Variants in AP2A1 observed in about 807,000 individuals in gnomAD.
AP2A1 encodes the protein adaptor related protein complex 2 subunit alpha 1, also known as AP-2 complex subunit alpha-1.
In AP2A1, 21 loss-of-function variants were observed where a neutral mutation model predicts 107.3. That is an observed-to-expected ratio of 0.20 (90% CI 0.14 to 0.28). The LOEUF (loss-of-function observed/expected upper bound fraction) is 0.28. AP2A1 is among the 10% of genes least tolerant of loss of function. AP2A1 has a pLI of 1.00. For missense variants in AP2A1, 873 were observed against 1,307.7 expected, an observed-to-expected ratio of 0.67 and a Z score of 5.13; for synonymous variants, 602 against 564.8, an observed-to-expected ratio of 1.07 and a Z score of -0.93.
In AP2A1 at chr19:49,805,471, A is replaced by G. The variant is rs781669506; in HGVS notation, c.2363A>G (p.Lys788Arg). The G allele has an allele frequency of 1.3e-6, 2 of 1,549,664 alleles. No homozygotes were observed. Among genetic ancestry groups the G allele is most frequent in the South Asian group, 2.4e-5 (2 of 84,102 alleles). ...CGGGCACAGCTGGCTGTGCAGACCA[A>G]GCGCGTGGCGGCGCAGGTGGACGGC... The part of the protein sequence containing the change: ...DLQTQLAVQT[K>R]RVAAQVDGGA... Residue 788 changes from lysine to arginine, a missense_variant, in exon 19 of 23, where the codon AAG becomes AGG. Lys to Arg is a conservative substitution (Grantham distance 26, BLOSUM62 2). This residue lies in a region of AP2A1 where 416 missense variants were observed against 473.4 expected (regional missense o/e 0.88). Transcript: ENST00000354293.
chr19:49,800,097 A>T lies in AP2A1; in HGVS notation c.1402A>T (p.Ile468Phe), dbSNP rs1568586413. 6.2e-7 allele frequency: 1 copy of T among 1,613,918 alleles called. No individual in the cohort carries two copies. Among genetic ancestry groups the T allele is most frequent in the Non-Finnish European group, 8.5e-7 (1 of 1,179,810 alleles). Residue 468 changes from isoleucine (I) to phenylalanine (F), a missense_variant, in exon 11 of 23, where the codon ATC (isoleucine) becomes TTC (phenylalanine). By Grantham distance (21) the Ile-to-Phe change is conservative. Transcript: ENST00000354293. ...SEEVWYRVLQ[I>F]VTNRDDVQGY... ...GGAGGTGTGGTACCGTGTGCTACAG[A>T]TCGTCACCAACCGTGATGACGTCCA...
Position 49,788,203 on chromosome 19 carries a change from C to T in AP2A1, c.474-3732C>T, listed in dbSNP as rs972296470. Reference sequence around the variant, plus strand: ...CTCAAGTGATCCTCCGTGGCCTCAGCTTCCCAAAGTGCTGAGATTACAGGC... The same window carrying T: ...CTCAAGTGATCCTCCGTGGCCTCAGTTTCCCAAAGTGCTGAGATTACAGGC... On this transcript the variant is annotated intron_variant, in intron 4 of 22. Transcript: ENST00000354293. This position sits in a 1 kb window ranked among gnomAD's most constrained non-coding sequence, Gnocchi z 4.5. Among the ~76,000 whole-genome samples, 5 of 152,230 alleles carry T rather than the reference C, an allele frequency of 3.3e-5. No homozygotes were observed. Among genetic ancestry groups the T allele is most frequent in the Non-Finnish European group, 7.3e-5 (5 of 68,034 alleles).
At chr19:49,776,019 GACTCTGCCTT>G (rs1259512829) in intron 1 of AP2A1, among the ~76,000 whole-genome samples, 2 of 152,080 alleles carry the variant, frequency 1.3e-5, no homozygotes, top group African/African-American at 4.8e-5. Flanking sequence ...CACTTCCCTT[GACTCTGCCTT>G]ACTCTGCCTG....
intron 8 of AP2A1, 73 bp downstream of exon 8, chr19:49,799,025 G>A: frequency 6.6e-7 from 1 of 1,524,386 alleles, no homozygotes; most frequent in Non-Finnish European, 8.9e-7. Flanking sequence ...GGACTCCTGA[G>A]TCCTAGGCAG....
At chr19:49,795,585 C>A (rs750391170) in intron 6 of AP2A1, 45 bp from the exon 7 acceptor site, 3 of 699,210 alleles carry the variant, frequency 4.3e-6, no homozygotes, top group South Asian at 1.5e-5. Flanking sequence ...CCCACGTGCC[C>A]CTCCCACCCC....
chr19:49,800,887 A>G, intron 11 of AP2A1, 74 bp from the exon 12 acceptor site: 1 of 1,201,008 alleles, frequency 8.3e-7, no homozygotes, highest in East Asian at 2.6e-5. Context: ...ACCAGTCAGT[A>G]GGTGGCTGCA....
intron 1 of AP2A1, among the ~76,000 whole-genome samples, chr19:49,779,487 C>CAA (rs370114853): frequency 0.39 from 32,345 of 83,936 alleles, 6,920 homozygotes; most frequent in East Asian, 0.47. Context: ...GCCTGGGCTA[C>CAA]AAAAAAAAAA....
chr19:49,767,150 A>G lies in AP2A1; in HGVS notation c.17A>G (p.Lys6Arg). The G allele has an allele frequency of 6.2e-7, 1 of 1,611,802 alleles. No individual in the cohort carries two copies. Among genetic ancestry groups the G allele is most frequent in the Non-Finnish European group, 8.5e-7 (1 of 1,179,704 alleles). Residue 6 changes from lysine to arginine, a missense_variant, in exon 1 of 23, where the codon AAG becomes AGG. Physicochemically the swap from Lys to Arg is conservative, Grantham distance 26. This residue lies in a region of AP2A1 where 87 missense variants were observed against 178.2 expected (regional missense o/e 0.49). Coordinates refer to ENST00000354293, the MANE Select transcript of AP2A1 (RefSeq NM_130787.3). MPAVS[K>R]GDGMRGLAVF... Reference sequence around the variant, plus strand: ...ACCGCCATCATGCCGGCCGTGTCCAAGGGCGATGGGATGCGGGGGCTCGCG... The same window carrying G: ...ACCGCCATCATGCCGGCCGTGTCCAGGGGCGATGGGATGCGGGGGCTCGCG...
intron 1 of AP2A1, among the ~76,000 whole-genome samples, chr19:49,771,521 G>T (rs1227379215): frequency 2.0e-5 from 3 of 151,672 alleles, no homozygotes; most frequent in East Asian, 1.9e-4. Flanking sequence ...CGATTCTCCT[G>T]CCTCAGCCTC....
intron 18 of AP2A1, 90 bp downstream of exon 18, chr19:49,803,466 C>T (rs1056272532): frequency 1.1e-5 from 11 of 1,037,830 alleles, no homozygotes; most frequent in African/African-American, 4.7e-5. Flanking sequence ...CCACACTTCT[C>T]TTCAGCCTCT....
At chr19:49,799,852 G>A (rs2073255596) in intron 10 of AP2A1, 86 bp downstream of exon 10, 1 of 1,560,928 alleles carries the variant, frequency 6.4e-7, no homozygotes, top group Non-Finnish European at 8.7e-7. Context: ...AAGGGAGGAG[G>A]GGCTGGGGCC....
chr19:49,772,238 T>C (rs2084566644), intron 1 of AP2A1, among the ~76,000 whole-genome samples: 1 of 149,268 alleles, frequency 6.7e-6, no homozygotes, highest in Non-Finnish European at 1.5e-5. Context: ...TTTTGTATTT[T>C]TCATAGAGTT....
Position 49,800,973 on chromosome 19 carries a change from C to T in AP2A1, c.1468C>T (p.Pro490Ser). 1.2e-6 allele frequency: 2 copies of T among 1,601,470 alleles called. No individual in the cohort carries two copies. Among genetic ancestry groups the T allele is most frequent in the South Asian group, 1.1e-5 (1 of 88,636 alleles). The change falls in exon 12 of 23, where the codon CCT becomes TCT. Residue 490 changes from proline (P) to serine (S), a missense_variant. Coordinates refer to ENST00000354293, the MANE Select transcript of AP2A1 (RefSeq NM_130787.3). ...AKTVFEALQA[P>S]ACHENMVKVG... ...CCACCCCACTCAGGCGCTCCAGGCC[C>T]CTGCCTGTCACGAGAACATGGTGAA... is the stretch of plus-strand genomic sequence containing the variant.
At chr19:49,804,780 C>T (rs1455857320) in intron 18 of AP2A1, 1 of 152,240 alleles carries the variant, frequency 6.6e-6, no homozygotes, top group African/African-American at 2.4e-5. Flanking sequence ...TGAGGCCTCG[C>T]TATGTTGCCC....
chr19:49,801,034 T>G lies in AP2A1; in HGVS notation c.1529T>G (p.Leu510Arg). The G allele has an allele frequency of 6.2e-7, 1 of 1,607,258 alleles. No individual in the cohort carries two copies. The highest frequency in any genetic ancestry group is 8.5e-7 in the Non-Finnish European group (1 of 1,177,134). ...TACATCCTTGGGGAGTTTGGGAACC[T>G]GATTGCTGGGGACCCCCGCTCCAGG... ...GGYILGEFGN[L>R]IAGDPRSSPP... Residue 510 changes from leucine (L) to arginine (R), a missense_variant, in exon 12 of 23, where the codon CTG (leucine) becomes CGG (arginine). Around this residue, in one of 4 missense-constraint regions of AP2A1, gnomAD observed 213 missense variants for 443.5 expected, o/e 0.48. Coordinates refer to ENST00000354293, the MANE Select transcript of AP2A1 (RefSeq NM_130787.3).
chr19:49,784,626 C>T (rs1446305477), intron 4 of AP2A1, among the ~76,000 whole-genome samples: 1 of 152,012 alleles, frequency 6.6e-6, no homozygotes, highest in African/African-American at 2.4e-5. Context: ...ACCTATAATC[C>T]AGGCACTTTG....
chr19:49,796,000 G>A, intron 7 of AP2A1: 1 of 482,258 alleles, frequency 2.1e-6, no homozygotes, highest in Non-Finnish European at 3.8e-6. Context: ...CAGCCCTGTT[G>A]CGAGGGACTG....
At chr19:49,791,507 G>A (rs575279065) in intron 4 of AP2A1, among the ~76,000 whole-genome samples, 1 of 152,108 alleles carries the variant, frequency 6.6e-6, no homozygotes, top group Non-Finnish European at 1.5e-5. Context: ...GATTATAGGC[G>A]TGAGCCACCA....
rs1203721178 is a variant in AP2A1, at chr19:49,806,250, C to G, written c.2787C>G (p.Ala929=). 3.7e-6 allele frequency: 6 copies of G among 1,604,930 alleles called. No homozygotes were observed. The highest frequency in any genetic ancestry group is 1.3e-5 in the African/African-American group (1 of 74,892). Residue 929 remains alanine (A), a synonymous_variant, in exon 22 of 23, where the codon GCC becomes GCG. Transcript: ENST00000354293. Reference sequence around the variant, plus strand: ...TTCGGCTGGAGCCCAATGCCCAGGCCCAGGTGAGTGCTGCTGTGGGAGGCC... The same window carrying G: ...TTCGGCTGGAGCCCAATGCCCAGGCGCAGGTGAGTGCTGCTGTGGGAGGCC... ...CLLRLEPNAQ[A]QMYRLTLRTS...
Sources: allele counts gnomAD v4.1 joint callset (sites outside exome capture counted in the v4.1 genomes callset), GRCh38; gene constraint gnomAD v4.1.1; regional missense constraint gnomAD v4.1.1; non-coding constraint Gnocchi (gnomAD v3.1); transcripts MANE v1.5; gene names NCBI Gene and HGNC (gene_info 2026-07-23, HGNC 2026-07-21).